The following CPNE7 variants were observed in gnomAD, a reference collection of about 807,000 sequenced individuals.
CPNE7 encodes the protein copine-7.
A neutral mutation model predicts 66.5 loss-of-function variants in CPNE7; 78 were observed. The ratio of observed to expected loss-of-function variants is 1.17; its 90% CI spans 0.98 to 1.42. CPNE7 has a LOEUF of 1.42. Among genes scored for constraint, CPNE7 ranks in the 40% most tolerant of loss-of-function variants. The pLI is 0.00. For synonymous variants in CPNE7, 468 were observed against 336.7 expected (o/e 1.39, Z -4.27); for missense variants, 1,012 against 776.6 (o/e 1.30, Z -3.60).
At chr16:89,583,650 G>A (rs762255729) in intron 2 of CPNE7, 47 bp from the exon 3 acceptor site, 4 of 1,611,320 alleles carry the variant, frequency 2.5e-6, no homozygotes, top group Admixed American at 3.3e-5. Context: ...CCAGGGTCAG[G>A]AGCCGTCCCC....
intron 5 of CPNE7, among the ~76,000 whole-genome samples, chr16:89,585,185 G>C (rs548341338): frequency 2.0e-5 from 3 of 152,346 alleles, no homozygotes; most frequent in African/African-American, 7.2e-5. Flanking sequence ...GAGTGAAAAT[G>C]AATCTATTTA....
chr16:89,586,054 G>A (rs1345128957), intron 7 of CPNE7, among the ~76,000 whole-genome samples: 1 of 111,500 alleles, frequency 9.0e-6, no homozygotes, highest in Admixed American at 9.5e-5. Context: ...TCAGGGAGGG[G>A]CAGGTGAGGG....
At chr16:89,585,259 C>T (rs1023159305) in intron 5 of CPNE7, among the ~76,000 whole-genome samples, 3 of 152,138 alleles carry the variant, frequency 2.0e-5, no homozygotes, top group African/African-American at 7.2e-5. Flanking sequence ...GCACAGGGCT[C>T]GGAAATGTGT....
intron 10 of CPNE7, 105 bp from the exon 11 acceptor site, chr16:89,589,792 G>A (rs2059141672): frequency 8.0e-7 from 1 of 1,256,460 alleles, no homozygotes; most frequent in Admixed American, 2.0e-5. Flanking sequence ...TACCAGGCCT[G>A]GGCACCCCCA....
rs536848053 is a variant in CPNE7, at chr16:89,596,681, A to C, written c.*60A>C. The C allele has an allele frequency of 1.2e-5, 18 of 1,479,716 alleles. No homozygotes were observed. Among genetic ancestry groups the C allele is most frequent in the Non-Finnish European group, 1.6e-5 (18 of 1,120,706 alleles). The allele number at this position is 1,479,716 out of a possible 1,614,324, so 91.7% of individuals were successfully genotyped here. A position where few individuals can be genotyped will look rare whatever the true frequency, so the allele number is the denominator to read the frequency against. On this transcript the variant is annotated 3_prime_UTR_variant, in exon 15 of 15. Transcript: ENST00000319518. ...ATGGGTCCGTACAGCCTCTGTCTGC[A>C]ACATGCTTGGGGTCCCTTAAGCTCC...
At position 89,587,641 on chromosome 16, in the gene CPNE7, G is replaced by C. The variant is rs1331584024; in HGVS notation, c.927+539G>C. 10 of 444,554 alleles carry C rather than the reference G, an allele frequency of 2.2e-5. No homozygotes were observed. In the East Asian group the frequency reaches 4.3e-4, roughly 19 times the overall value. 27.5% of individuals were successfully genotyped at this position (444,554 alleles called of 1,614,324 possible). The stretch of plus-strand genomic sequence containing the variant: ...CGTGTCATCCAAGGAGCCCGGCACA[G>C]ACCCCGTGTCACCCCCATGTCACCC... On this transcript the variant is annotated intron_variant, in intron 9 of 14. Coordinates refer to ENST00000319518, the MANE Select transcript of CPNE7 (RefSeq NM_153636.3).
intron 2 of CPNE7, among the ~76,000 whole-genome samples, chr16:89,580,312 G>C (rs1207290105): frequency 3.4e-5 from 4 of 117,576 alleles, no homozygotes; most frequent in African/African-American, 1.5e-4. Flanking sequence ...GTCACCCGCT[G>C]ACACAGAACA....
chr16:89,594,102 G>A (rs1387680506), intron 13 of CPNE7: 1 of 152,190 alleles, frequency 6.6e-6, no homozygotes, highest in African/African-American at 2.4e-5. Context: ...GACATGATCA[G>A]CTGAGCCCTC....
intron 2 of CPNE7, 109 bp from the exon 3 acceptor site, chr16:89,583,588 G>A: frequency 6.2e-7 from 1 of 1,604,836 alleles, no homozygotes; most frequent in Non-Finnish European, 8.5e-7. Context: ...CATGGTGGGG[G>A]ATGGGGAGAC....
chr16:89,578,726 C>T, intron 2 of CPNE7: 2 of 1,345,006 alleles, frequency 1.5e-6, no homozygotes, highest in South Asian at 3.5e-5. Context: ...CACCACTGCA[C>T]TCCAGCCTGA....
chr16:89,595,722 TG>T (rs1484821516), intron 14 of CPNE7, 119 bp downstream of exon 14: 2 of 894,576 alleles, frequency 2.2e-6, no homozygotes, highest in Non-Finnish European at 1.8e-6. Context: ...TTCTTGTGTC[TG>T]GGGGATCCTG....
intron 2 of CPNE7, among the ~76,000 whole-genome samples, chr16:89,582,110 C>A (rs938342714): frequency 3.9e-5 from 6 of 152,262 alleles, no homozygotes; most frequent in African/African-American, 1.4e-4. Flanking sequence ...AAACTTCCAG[C>A]AATGAGGAGG....
At position 89,587,252 on chromosome 16, in the gene CPNE7, G is replaced by A. The variant is rs12924549; in HGVS notation, c.927+150G>A. 1.1e-3 allele frequency: 90 copies of A among 79,696 alleles called. 6 individuals are homozygous for A. The Admixed American group carries it at 0.011, about 10-fold the overall frequency. The allele number at this position is 79,696 out of a possible 1,614,324, so 4.9% of individuals were successfully genotyped here. On this transcript the variant is annotated intron_variant, in intron 9 of 14. Coordinates refer to ENST00000319518, the MANE Select transcript of CPNE7 (RefSeq NM_153636.3). ...CTCAGTCCGTGGCCCCGCCCCTCCC[G>A]CCCCCTCAGTCTGTGGCCCCGCCCA...
rs1281128406 is a variant in CPNE7 at position 89,586,668 on chromosome 16, A to G, written c.781-2A>G. The G allele has an allele frequency of 6.2e-7, 1 of 1,612,528 alleles. No individual in the cohort carries two copies. The highest frequency in any genetic ancestry group is 2.2e-5 in the East Asian group (1 of 44,736). ...GGGGGCCTCTGCTTGTTCCTGCCCC[A>G]GGCCCAGTGGGACTGTGTGAACCCC... is the stretch of plus-strand genomic sequence containing the variant. On this transcript the variant is annotated splice_acceptor_variant, in intron 7 of 14. Coordinates refer to ENST00000319518, the MANE Select transcript of CPNE7 (RefSeq NM_153636.3). LOFTEE classifies it high-confidence loss of function.
At chr16:89,585,205 G>A (rs528528289) in intron 5 of CPNE7, among the ~76,000 whole-genome samples, 1 of 152,356 alleles carries the variant, frequency 6.6e-6, no homozygotes, top group South Asian at 2.1e-4. Context: ...AAGGAAGAGA[G>A]CAGCGCAGGT....
At position 89,577,706 on chromosome 16, in the gene CPNE7, G is replaced by A; in HGVS notation, c.342G>A (p.Glu114=). The A allele has an allele frequency of 6.3e-7, 1 of 1,596,364 alleles. No homozygotes were observed. The highest frequency in any genetic ancestry group is 8.5e-7 in the Non-Finnish European group (1 of 1,171,874). Residue 114 remains glutamate (E), a synonymous_variant, in exon 2 of 15, where the codon GAG becomes GAA. Coordinates refer to ENST00000319518, the MANE Select transcript of CPNE7 (RefSeq NM_153636.3). ...AGGACGATTTCCTGGGGGGCATGGA[G>A]TGCACCCTGGGGCAGGTGGGTGCCC... ...CQEDDFLGGM[E]CTLGQIVAQK...
chr16:89,583,373 G>C, intron 2 of CPNE7: 1 of 1,431,788 alleles, frequency 7.0e-7, no homozygotes, highest in South Asian at 1.2e-5. Context: ...CACCTGTGCA[G>C]GTGCAGGCCA....
intron 2 of CPNE7, chr16:89,583,352 G>A: frequency 1.6e-6 from 2 of 1,234,168 alleles, no homozygotes; most frequent in Non-Finnish European, 2.3e-6. Flanking sequence ...CCTGTGGAGG[G>A]GCGTCCGCCA....
At chr16:89,588,872 C>A in intron 10 of CPNE7, 64 bp downstream of exon 10, 1 of 1,586,392 alleles carries the variant, frequency 6.3e-7, no homozygotes, top group Non-Finnish European at 8.6e-7. Context: ...TGCGCCTGGC[C>A]GTCTTCCCCC....
Sources: gnomAD v4.1 joint callset for allele counts (sites outside exome capture counted in the v4.1 genomes callset) on GRCh38, gnomAD v4.1.1 for gene constraint, MANE v1.5 for transcripts, NCBI Gene and HGNC (gene_info 2026-07-23, HGNC 2026-07-21) for gene names.